Variants in DUOX2 observed in about 807,000 individuals in gnomAD.
DUOX2 encodes the protein dual oxidase 2.
DUOX2 carries 185 observed loss-of-function variants against 183.3 expected under a neutral mutation model. The ratio of observed to expected loss-of-function variants is 1.01; its 90% confidence interval spans 0.90 to 1.14. The LOEUF is 1.14. Ranked by LOEUF, DUOX2 falls within the 50% of genes most tolerant of loss-of-function variation. The pLI is 0.00. For synonymous variants in DUOX2, 788 were observed against 812.4 expected, an observed-to-expected ratio of 0.97 and a Z score of 0.51; for missense variants, 1,999 against 2,022.9, an observed-to-expected ratio of 0.99 and a Z score of 0.23.
At chr15:45,113,172 C>G in intron 2 of DUOX2, 96 bp from the exon 3 acceptor site, 1 of 1,468,632 alleles carries the variant, frequency 6.8e-7, no homozygotes, top group Non-Finnish European at 9.3e-7. Context: ...GCTCGCGGAG[C>G]GCCCCTAACC....
intron 17 of DUOX2, 28 bp from the exon 18 acceptor site, chr15:45,105,856 C>T (rs373740695): frequency 3.1e-6 from 5 of 1,613,394 alleles, no homozygotes; most frequent in Non-Finnish European, 4.2e-6. Flanking sequence ...GGCACTGACG[C>T]AGGGAGCTCG....
chr15:45,110,340 G>T, intron 9 of DUOX2, 88 bp downstream of exon 9: 2 of 1,301,650 alleles, frequency 1.5e-6, no homozygotes, highest in Non-Finnish European at 2.1e-6. Context: ...GTGAAACTGC[G>T]AAGGAGTGTG....
In DUOX2 at chr15:45,093,786, T is replaced by A; in HGVS notation, c.*364A>T. The A allele has an allele frequency of 3.2e-6, 1 of 309,056 alleles. No homozygotes were observed. The highest frequency in any genetic ancestry group is 6.3e-6 in the Non-Finnish European group (1 of 157,996). The allele number at this position is 309,056 out of a possible 1,614,324, so 19.1% of individuals were successfully genotyped here. The stretch of plus-strand genomic sequence containing the variant: ...CAAGCAGGGACTGTCTCCTCCCCAC[T>A]TTGCTTGCCACGCCTGCCATGGCTT... On this transcript the variant is annotated 3_prime_UTR_variant, in exon 34 of 34. Coordinates refer to ENST00000389039, the MANE Select transcript of DUOX2 (RefSeq NM_001363711.2).
chr15:45,110,446 G>A lies in DUOX2; in HGVS notation c.1022C>T (p.Pro341Leu). The change falls in exon 9 of 34, where the codon CCC (proline) becomes CTC (leucine). Residue 341 changes from proline (P) to leucine (L), a missense_variant. Pro to Leu is a moderately conservative substitution (Grantham distance 98, BLOSUM62 -3). This residue lies in a region of DUOX2 where 1,628 missense variants were observed against 1,608.6 expected (regional missense o/e 1.01). Coordinates refer to ENST00000389039, the MANE Select transcript of DUOX2 (RefSeq NM_001363711.2). ...CCCTCACCTCATGTAGACACCAGGGGGCACCATGGTAGAGAAGAACTGCTC... is the reference window on the plus strand; with the variant it reads ...CCCTCACCTCATGTAGACACCAGGGAGCACCATGGTAGAGAAGAACTGCTC... Reference protein sequence around the residue: ...ASEQFFSTMVPPGVYMRNASC... With the variant: ...ASEQFFSTMVLPGVYMRNASC... 1 of 1,613,942 alleles carries A rather than the reference G, an allele frequency of 6.2e-7. No homozygotes were observed. Among genetic ancestry groups the A allele is most frequent in the Non-Finnish European group, 8.5e-7 (1 of 1,179,900 alleles).
Position 45,093,984 on chromosome 15 carries a change from G to A in DUOX2, c.*166C>T. The A allele has an allele frequency of 1.2e-6, 1 of 863,628 alleles. No homozygotes were observed. Among genetic ancestry groups the A allele is most frequent in the Non-Finnish European group, 1.9e-6 (1 of 537,946 alleles). The allele number at this position is 863,628 out of a possible 1,614,324, so 53.5% of individuals were successfully genotyped here. On this transcript the variant is annotated 3_prime_UTR_variant, in exon 34 of 34. Transcript: ENST00000389039. The stretch of plus-strand genomic sequence containing the variant: ...CATAGTCTCCTGCCTTTTCTCATTT[G>A]TATAATTGTCTGGGTCAATATTCTC...
chr15:45,112,480 G>C, intron 4 of DUOX2, 74 bp downstream of exon 4: 2 of 1,577,564 alleles, frequency 1.3e-6, no homozygotes, highest in South Asian at 1.1e-5. Flanking sequence ...TGGACTCGCA[G>C]ACGGGATCTG....
rs1262843130 is a variant in DUOX2 at position 45,098,089 on chromosome 15, C to G, written c.3516-31G>C. 1.9e-6 allele frequency: 3 copies of G among 1,609,904 alleles called. No homozygotes were observed. In the South Asian group the frequency reaches 3.3e-5, roughly 18 times the overall value. Reference sequence around the variant, plus strand: ...GGGCAAAGGCACCTTGAGCCTCTGACTGGGGCAGGAGGGGCTCCAGCACTG... The same window carrying G: ...GGGCAAAGGCACCTTGAGCCTCTGAGTGGGGCAGGAGGGGCTCCAGCACTG... On this transcript the variant is annotated intron_variant, in intron 26 of 33. Coordinates refer to ENST00000389039, the MANE Select transcript of DUOX2 (RefSeq NM_001363711.2).
At chr15:45,101,310 C>A (rs775652056) in intron 21 of DUOX2, 36 bp from the exon 22 acceptor site, 26 of 1,587,066 alleles carry the variant, frequency 1.6e-5, no homozygotes, top group Non-Finnish European at 8.6e-7. Context: ...CTGGCTTCCC[C>A]ACAAGGGCAG....
chr15:45,107,997 G>A (rs1422620210), intron 13 of DUOX2, 50 bp downstream of exon 13: 1 of 1,609,820 alleles, frequency 6.2e-7, no homozygotes, highest in Admixed American at 1.7e-5. Context: ...CAGAGGGTCT[G>A]GGGCTCAGGC....
chr15:45,100,039 G>A lies in DUOX2; in HGVS notation c.3184+11C>T. ...GCTCCCTACCCACTGCCCACAGCCT[G>A]GAACTCTTACAGTAAGCACGATCTG... On this transcript the variant is annotated intron_variant, in intron 24 of 33. Transcript: ENST00000389039. The A allele has an allele frequency of 6.2e-7, 1 of 1,614,196 alleles. No homozygotes were observed. The highest frequency in any genetic ancestry group is 2.2e-5 in the East Asian group (1 of 44,878).
chr15:45,104,017 A>C lies in DUOX2; in HGVS notation c.2597T>G (p.Met866Arg), dbSNP rs200948626. 133 of 1,614,068 alleles carry C rather than the reference A, an allele frequency of 8.2e-5. No homozygotes were observed. The highest frequency in any genetic ancestry group is 2.2e-4 in the Admixed American group (13 of 60,000). Residue 866 changes from methionine to arginine, a missense_variant, in exon 20 of 34, where the codon ATG becomes AGG. Met to Arg is a moderately conservative substitution (Grantham distance 91). Coordinates refer to ENST00000389039, the MANE Select transcript of DUOX2 (RefSeq NM_001363711.2). ...GAAGCCATTCTCATCCAGGTCATAC[A>C]TGGTAAACATTAGACGGGACTTATC... ...PEDKSRLMFT[M>R]YDLDENGFLS...
intron 1 of DUOX2, 51 bp from the exon 2 acceptor site, chr15:45,113,476 G>C (rs1894510654): frequency 1.4e-6 from 2 of 1,443,852 alleles, no homozygotes; most frequent in Admixed American, 3.9e-5. Flanking sequence ...CCACTGTTAG[G>C]GCGTCCTCTA....
At chr15:45,103,869 G>C in intron 20 of DUOX2, 91 bp downstream of exon 20, 1 of 1,351,774 alleles carries the variant, frequency 7.4e-7, no homozygotes, top group Non-Finnish European at 1.1e-6. Flanking sequence ...GATGACCACA[G>C]AGCCTCTTTG....
chr15:45,113,237 C>T (rs552624293), intron 2 of DUOX2, 105 bp downstream of exon 2: 23 of 1,468,238 alleles, frequency 1.6e-5, no homozygotes, highest in East Asian at 2.5e-5. Flanking sequence ...AGCTGCACGG[C>T]GAAATGACCT....
intron 23 of DUOX2, chr15:45,100,436 C>T (rs1894050579): frequency 1.6e-6 from 1 of 610,830 alleles, no homozygotes; most frequent in Admixed American, 2.9e-5. Flanking sequence ...CTCCCTGCTA[C>T]TCCCCCTCCT....
Position 45,100,231 on chromosome 15 carries a change from A to G in DUOX2, c.3006-3T>C, listed in dbSNP as rs777719218. 2.5e-6 allele frequency: 4 copies of G among 1,612,416 alleles called. No individual in the cohort carries two copies. The African/African-American group carries it at 5.3e-5, about 22-fold the overall frequency. On this transcript the variant is annotated splice_polypyrimidine_tract_variant and splice_region_variant and intron_variant, in intron 23 of 33. Transcript: ENST00000389039. ...GCCGGGGAGTGGGCACTGCTGCCCTATAGCAAGGGGAGGCAGGGCAGCAGT... is the reference window on the plus strand; with the variant it reads ...GCCGGGGAGTGGGCACTGCTGCCCTGTAGCAAGGGGAGGCAGGGCAGCAGT...
rs1894246092 is a variant in DUOX2 at position 45,107,345 on chromosome 15, C to A, written c.1693G>T (p.Gly565Cys). The A allele has an allele frequency of 6.2e-7, 1 of 1,614,178 alleles. No individual in the cohort carries two copies. The highest frequency in any genetic ancestry group is 8.5e-7 in the Non-Finnish European group (1 of 1,179,980). Residue 565 changes from glycine to cysteine, a missense_variant and splice_region_variant, in exon 14 of 34, where the codon GGT becomes TGT. Physicochemically the swap from Gly to Cys is radical, Grantham distance 159. Coordinates refer to ENST00000389039, the MANE Select transcript of DUOX2 (RefSeq NM_001363711.2). ...LQPNVFVWHKGAPCPQPKQLT... is the reference protein window; with the variant it reads ...LQPNVFVWHKCAPCPQPKQLT... ...ACTTGTGTTCTCCCACGGCACTCAC[C>A]TTTATGCCAGACAAAGACATTGGGC...
At chr15:45,107,886 A>AAAAAGAAAAGAG (rs58052033) in intron 13 of DUOX2, among the ~76,000 whole-genome samples, 161 bp downstream of exon 13, 1 of 124,734 alleles carries the variant, frequency 8.0e-6, no homozygotes, top group Non-Finnish European at 1.6e-5. Context: ...AAAGAAAAAG[A>AAAAAGAAAAGAG]AAAAGAGAAG....
At chr15:45,107,603 G>C in intron 13 of DUOX2, 140 bp from the exon 14 acceptor site, 1 of 921,990 alleles carries the variant, frequency 1.1e-6, no homozygotes, top group Non-Finnish European at 1.8e-6. Flanking sequence ...CAACACTTTG[G>C]GAGGCCAAGG....
Sources: allele counts gnomAD v4.1 joint callset (sites outside exome capture counted in the v4.1 genomes callset), GRCh38; gene constraint gnomAD v4.1.1; regional missense constraint gnomAD v4.1.1; transcripts MANE v1.5; gene names NCBI Gene and HGNC (gene_info 2026-07-23, HGNC 2026-07-21).